Variants in SORCS3 observed in about 807,000 individuals in gnomAD.
The protein encoded by SORCS3 is sortilin related VPS10 domain containing receptor 3, also known as VPS10 domain-containing receptor SorCS3.
SORCS3 carries 57 observed loss-of-function variants against 146.3 expected under a neutral mutation model. The observed-to-expected ratio is 0.39, with a 90% confidence interval of 0.31 to 0.49. The LOEUF is 0.49. Ranked by LOEUF, SORCS3 falls within the 20% of genes least tolerant of loss-of-function variation. The probability of loss-of-function intolerance (pLI) is 0.92; values close to 1 mark genes in which losing one functional copy is unlikely to be tolerated. For missense variants in SORCS3, 1,341 were observed against 1,575.5 expected (o/e 0.85, Z 2.52); for synonymous variants, 653 against 618.5 (o/e 1.06, Z -0.83).
At chr10:104,888,002 C>A (rs927310358) in intron 2 of SORCS3, among the ~76,000 whole-genome samples, 18 of 145,100 alleles carry the variant, frequency 1.2e-4, no homozygotes, top group African/African-American at 4.5e-4. Flanking sequence ...CAGCATGAGA[C>A]CAATGAGAGT....
chr10:104,842,973 G>A (rs1564696305), intron 2 of SORCS3, 114 bp downstream of exon 2: 1 of 817,930 alleles, frequency 1.2e-6, no homozygotes, highest in Non-Finnish European at 2.1e-6. Context: ...CCTCTTCCTG[G>A]AAGCTCATGT....
chr10:105,252,788 C>T lies in SORCS3; in HGVS notation c.3119C>T (p.Pro1040Leu). ...KRALVKVTSVPEDQILIAVFP... is the reference protein window; with the variant it reads ...KRALVKVTSVLEDQILIAVFP... ...ACATCTTTGCAGGTAACCAGTGTCC[C>T]AGAGGACCAGATCCTCATTGCCGTG... Residue 1040 changes from proline to leucine, a missense_variant, in exon 23 of 27, where the codon CCA becomes CTA. Pro to Leu is a moderately conservative substitution (Grantham distance 98, BLOSUM62 -3). Transcript: ENST00000369701. The T allele has an allele frequency of 6.2e-7, 1 of 1,614,000 alleles. No individual in the cohort carries two copies. The highest frequency in any genetic ancestry group is 8.5e-7 in the Non-Finnish European group (1 of 1,179,930).
In SORCS3 at chr10:104,695,997, CATATAATAT is replaced by C. The variant is rs928979294; in HGVS notation, c.627+54057_627+54065del. On this transcript the variant is annotated intron_variant, in intron 1 of 26. Transcript: ENST00000369701. ...ATATATAATATGTATTATATACACA[CATATAATAT>C]ATATAATATATATCATATACACATA... 2.5e-5 allele frequency among the ~76,000 whole-genome samples: 3 copies of C among 119,232 alleles called. No homozygotes were observed. The East Asian group carries it at 7.0e-4, about 28-fold the overall frequency. The allele number at this position is 119,232 out of a possible 152,430, so 78.2% of individuals were successfully genotyped here.
intron 14 of SORCS3, among the ~76,000 whole-genome samples, chr10:105,187,126 A>G (rs1302103521): frequency 6.6e-6 from 1 of 152,032 alleles, no homozygotes; most frequent in Non-Finnish European, 1.5e-5. Flanking sequence ...AGGATGATTT[A>G]TTTTTATTCA....
Position 104,696,390 on chromosome 10 carries a change from A to AATATACT in SORCS3, c.627+54441_627+54442insCTATATA, listed in dbSNP as rs1227523002. ...ATATAGTATATAATATATATTATAT[A>AATATACT]ATATATAATATATAATATAGAATAT... On this transcript the variant is annotated intron_variant, in intron 1 of 26. Transcript: ENST00000369701. Among the ~76,000 whole-genome samples the AATATACT allele has an allele frequency of 7.8e-4, 10 of 12,818 alleles. 5 individuals are homozygous for AATATACT. Among genetic ancestry groups the AATATACT allele is most frequent in the Non-Finnish European group, 2.0e-3 (10 of 5,050 alleles). The allele number at this position is 12,818 out of a possible 152,430, so 8.4% of individuals were successfully genotyped here. A position where few individuals can be genotyped will look rare whatever the true frequency, so the allele number is the denominator to read the frequency against.
At chr10:104,645,659 G>A (rs1382501167) in intron 1 of SORCS3, among the ~76,000 whole-genome samples, 4 of 152,164 alleles carry the variant, frequency 2.6e-5, no homozygotes, top group Non-Finnish European at 5.9e-5. Flanking sequence ...AGAGAAATGG[G>A]GAGATGCTGA....
chr10:104,767,311 T>G (rs1423909779), intron 1 of SORCS3, among the ~76,000 whole-genome samples: 1 of 152,130 alleles, frequency 6.6e-6, no homozygotes, highest in Non-Finnish European at 1.5e-5. Context: ...AAAAATGACC[T>G]TCTCAAGAGG....
chr10:104,951,782 T>G (rs977940450), intron 3 of SORCS3, among the ~76,000 whole-genome samples: 2 of 152,208 alleles, frequency 1.3e-5, no homozygotes, highest in African/African-American at 4.8e-5. Flanking sequence ...AAGTCTTTTA[T>G]AGAGAAGTCA....
chr10:104,979,333 C>G (rs1359608158), intron 4 of SORCS3, among the ~76,000 whole-genome samples: 1 of 152,154 alleles, frequency 6.6e-6, no homozygotes, highest in Non-Finnish European at 1.5e-5. Context: ...ATGATTTCCT[C>G]TTTGTATTTC....
intron 5 of SORCS3, among the ~76,000 whole-genome samples, chr10:105,071,704 C>T (rs1245757828): frequency 6.6e-6 from 1 of 152,136 alleles, no homozygotes; most frequent in Admixed American, 6.5e-5. Context: ...TTATTTTAAA[C>T]TTTACAATTA....
At position 105,247,281 on chromosome 10, in the gene SORCS3, C is replaced by T; in HGVS notation, c.3055C>T (p.Pro1019Ser). The T allele has an allele frequency of 6.2e-7, 1 of 1,613,064 alleles. No individual in the cohort carries two copies. Among genetic ancestry groups the T allele is most frequent in the Non-Finnish European group, 8.5e-7 (1 of 1,179,214 alleles). ...TCTGGATTACCACAATCCTGACATT[C>T]CTGAGTGGAGAAAAGATATTGGCAA... ...PNLDYHNPDI[P>S]EWRKDIGNVI... is the part of the protein sequence containing the mutation. Residue 1019 changes from proline (P) to serine (S), a missense_variant, in exon 22 of 27, where the codon CCT (proline) becomes TCT (serine). Physicochemically the swap from Pro to Ser is moderately conservative, Grantham distance 74. Transcript: ENST00000369701.
chr10:105,219,510 C>T (rs1564787788), intron 19 of SORCS3, among the ~76,000 whole-genome samples: 1 of 152,086 alleles, frequency 6.6e-6, no homozygotes, highest in African/African-American at 2.4e-5. Context: ...CAGAGTGAAC[C>T]ACTCTTATCA....
chr10:105,104,403 TC>T (rs2055807169), intron 6 of SORCS3, among the ~76,000 whole-genome samples: 1 of 152,208 alleles, frequency 6.6e-6, no homozygotes, highest in South Asian at 2.1e-4. Context: ...GGATTCCCTT[TC>T]CTTGGATAAC....
At chr10:105,147,942 T>G (rs2119468459) in intron 9 of SORCS3, 146 bp downstream of exon 9, 2 of 614,952 alleles carry the variant, frequency 3.3e-6, no homozygotes, top group African/African-American at 1.9e-5. Context: ...GACTTCTATA[T>G]GCCTCAATTC....
At chr10:105,251,061 C>A (rs1393282474) in intron 22 of SORCS3, among the ~76,000 whole-genome samples, 1 of 152,184 alleles carries the variant, frequency 6.6e-6, no homozygotes, top group African/African-American at 2.4e-5. Flanking sequence ...AATATCTGGG[C>A]AATCACACCA....
intron 20 of SORCS3, among the ~76,000 whole-genome samples, chr10:105,223,935 T>C (rs1033187541): frequency 1.3e-5 from 2 of 152,220 alleles, no homozygotes; most frequent in African/African-American, 4.8e-5. Context: ...CACTTCATTT[T>C]TGAGGAGTTG....
chr10:104,801,869 T>C (rs943567257), intron 1 of SORCS3, among the ~76,000 whole-genome samples: 1 of 152,216 alleles, frequency 6.6e-6, no homozygotes, highest in Non-Finnish European at 1.5e-5. Context: ...CTACCACTTT[T>C]GAAGGTCTTA....
intron 3 of SORCS3, among the ~76,000 whole-genome samples, chr10:104,918,162 C>T (rs552378462): frequency 6.6e-6 from 1 of 152,288 alleles, no homozygotes; most frequent in South Asian, 2.1e-4. Context: ...TAGGTGGCCT[C>T]TCTAGAAATA....
chr10:104,842,884 G>A (rs369303408), intron 2 of SORCS3, 25 bp downstream of exon 2: 2 of 1,593,880 alleles, frequency 1.3e-6, no homozygotes, highest in South Asian at 1.1e-5. Context: ...GATTCTTAAG[G>A]AGCCACCCTG....
Sources: allele counts gnomAD v4.1 joint callset (sites outside exome capture counted in the v4.1 genomes callset), GRCh38; gene constraint gnomAD v4.1.1; transcripts MANE v1.5; gene names NCBI Gene and HGNC (gene_info 2026-07-23, HGNC 2026-07-21).